Variants in IPCEF1 observed in about 807,000 individuals in gnomAD.
IPCEF1 encodes the protein interaction protein for cytohesin exchange factors 1, also known as interactor protein for cytohesin exchange factors 1.
Under a neutral mutation model 50.9 loss-of-function variants are expected in IPCEF1, and 31 were observed. The ratio of observed to expected loss-of-function variants is 0.61; its 90% CI spans 0.46 to 0.82. The LOEUF (loss-of-function observed/expected upper bound fraction) is 0.82, where lower values mean the gene tolerates loss of function less well. IPCEF1 is among the 40% of genes least tolerant of loss of function. The pLI, the probability that IPCEF1 is intolerant of heterozygous loss-of-function variation, is 0.00. For missense variants in IPCEF1, 458 were observed against 514.0 expected, an observed-to-expected ratio of 0.89 and a Z score of 1.05; for synonymous variants, 181 against 192.0, an observed-to-expected ratio of 0.94 and a Z score of 0.47.
intron 2 of IPCEF1, among the ~76,000 whole-genome samples, chr6:154,283,462 G>A (rs955236827): frequency 1.3e-5 from 2 of 151,560 alleles, no homozygotes; most frequent in African/African-American, 4.9e-5. Flanking sequence ...GCCAGGTGCG[G>A]TGGTGGGCCC....
At chr6:154,290,437 G>A (rs558939313) in intron 1 of IPCEF1, among the ~76,000 whole-genome samples, 25 of 152,256 alleles carry the variant, frequency 1.6e-4, no homozygotes, top group Admixed American at 9.8e-4. Flanking sequence ...CAAGTTGTCC[G>A]CTTGGCACTT....
intron 10 of IPCEF1, among the ~76,000 whole-genome samples, chr6:154,191,661 G>A (rs987548380): frequency 3.5e-5 from 5 of 143,932 alleles, no homozygotes; most frequent in African/African-American, 1.3e-4. Flanking sequence ...GTGACAGAGT[G>A]AGACTTTGCC....
chr6:154,337,945 C>T (rs1245485370), intron 1 of IPCEF1, among the ~76,000 whole-genome samples: 1 of 152,136 alleles, frequency 6.6e-6, no homozygotes, highest in Admixed American at 6.6e-5. Flanking sequence ...TAGTAATACG[C>T]CCATTGGGGA....
chr6:154,272,078 T>G (rs897147156), intron 2 of IPCEF1, among the ~76,000 whole-genome samples: 2 of 152,330 alleles, frequency 1.3e-5, no homozygotes, highest in East Asian at 3.9e-4. Context: ...ATGAGAAAAC[T>G]TATGGAAACT....
chr6:154,195,401 C>T (rs375379246), intron 10 of IPCEF1, among the ~76,000 whole-genome samples: 90 of 152,234 alleles, frequency 5.9e-4, no homozygotes, highest in African/African-American at 2.2e-3. Context: ...CCCACCTCGG[C>T]CTCCCAAAGT....
At chr6:154,333,014 C>T (rs1783707789) in intron 1 of IPCEF1, among the ~76,000 whole-genome samples, 1 of 152,164 alleles carries the variant, frequency 6.6e-6, no homozygotes, top group Non-Finnish European at 1.5e-5. Context: ...CCAATTTACT[C>T]CTGCCTTCTG....
chr6:154,313,076 A>AAAAAAAAAAAAAAAAAAAAAAAAAAAG (rs1783123261), intron 1 of IPCEF1, among the ~76,000 whole-genome samples: 1 of 149,618 alleles, frequency 6.7e-6, no homozygotes, highest in African/African-American at 2.5e-5. Context: ...TCAAAAAAAA[A>AAAAAAAAAAAAAAAAAAAAAAAAAAAG]AAAAAAAAAA....
chr6:154,356,101 ATAAT>A (rs769110432), intron 1 of IPCEF1, among the ~76,000 whole-genome samples: 1 of 152,222 alleles, frequency 6.6e-6, no homozygotes, highest in Non-Finnish European at 1.5e-5. Context: ...TCTGACTTCT[ATAAT>A]TAAATACTTT....
At chr6:154,289,440 T>C (rs1210976376) in intron 2 of IPCEF1, among the ~76,000 whole-genome samples, 1 of 149,842 alleles carries the variant, frequency 6.7e-6, no homozygotes, top group Non-Finnish European at 1.5e-5. Context: ...GGTATATTCC[T>C]TACTCTTAGA....
chr6:154,327,001 T>G (rs1027728137), intron 1 of IPCEF1, among the ~76,000 whole-genome samples: 1 of 152,218 alleles, frequency 6.6e-6, no homozygotes, highest in Non-Finnish European at 1.5e-5. Context: ...CTGAAATAAC[T>G]GGCTAGCCAT....
At chr6:154,247,325 C>A in intron 4 of IPCEF1, 124 bp downstream of exon 4, 1 of 706,984 alleles carries the variant, frequency 1.4e-6, no homozygotes, top group South Asian at 1.8e-5. Flanking sequence ...AATTAATCTG[C>A]CGTCCACCTC....
intron 7 of IPCEF1, chr6:154,217,031 A>G: frequency 6.3e-6 from 1 of 158,808 alleles, no homozygotes; most frequent in Non-Finnish European, 1.4e-5. Flanking sequence ...GAAATTCCCT[A>G]GGCTATCAAA....
At chr6:154,248,660 A>G (rs1209016099) in intron 3 of IPCEF1, among the ~76,000 whole-genome samples, 1 of 152,194 alleles carries the variant, frequency 6.6e-6, no homozygotes, top group Non-Finnish European at 1.5e-5. Flanking sequence ...CTTTAAATCC[A>G]GAGGCCTGGA....
intron 1 of IPCEF1, among the ~76,000 whole-genome samples, chr6:154,305,791 T>G (rs2128677678): frequency 6.6e-6 from 1 of 152,342 alleles, no homozygotes; most frequent in South Asian, 2.1e-4. Context: ...CTGAGGCTTC[T>G]GGCCTCCATC....
intron 10 of IPCEF1, among the ~76,000 whole-genome samples, chr6:154,189,180 T>C (rs1801641753): frequency 6.6e-6 from 1 of 152,264 alleles, no homozygotes; most frequent in African/African-American, 2.4e-5. Context: ...CACTCTTAGA[T>C]GTGCTAATCC....
intron 2 of IPCEF1, among the ~76,000 whole-genome samples, chr6:154,288,406 G>C (rs1046216215): frequency 6.6e-6 from 1 of 152,062 alleles, no homozygotes; most frequent in African/African-American, 2.4e-5. Flanking sequence ...GCTCACGCCT[G>C]TAATCCCAGC....
chr6:154,324,218 A>G (rs1209420642), intron 1 of IPCEF1, among the ~76,000 whole-genome samples: 2 of 152,220 alleles, frequency 1.3e-5, no homozygotes, highest in Non-Finnish European at 2.9e-5. Flanking sequence ...CACATCTAAT[A>G]AAGCTACATT....
At chr6:154,280,472 G>A (rs1782178514) in intron 2 of IPCEF1, among the ~76,000 whole-genome samples, 1 of 152,118 alleles carries the variant, frequency 6.6e-6, no homozygotes, top group Non-Finnish European at 1.5e-5. Flanking sequence ...TAAATAAATT[G>A]TGGTACAGTC....
intron 2 of IPCEF1, among the ~76,000 whole-genome samples, chr6:154,281,287 AG>A (rs1782204565): frequency 6.7e-6 from 1 of 148,354 alleles, no homozygotes; most frequent in Admixed American, 6.8e-5. Context: ...CGGGAGGTGG[AG>A]GTTGCAGTGA....
Sources: gnomAD v4.1 joint callset for allele counts (sites outside exome capture counted in the v4.1 genomes callset) on GRCh38, gnomAD v4.1.1 for gene constraint, MANE v1.5 for transcripts, NCBI Gene and HGNC (gene_info 2026-07-23, HGNC 2026-07-21) for gene names.